The following XIRP2 variants were observed in gnomAD, a reference collection of about 807,000 sequenced individuals.
XIRP2 encodes xin actin-binding repeat-containing protein 2.
XIRP2 carries 236 observed loss-of-function variants against 277.0 expected under a neutral mutation model. That is an observed-to-expected ratio of 0.85 (90% CI 0.77 to 0.95). XIRP2 has a LOEUF of 0.95. XIRP2 is among the 40% of genes least tolerant of loss of function. XIRP2 has a pLI of 0.00. For synonymous variants in XIRP2, 1,490 were observed against 1,416.5 expected (o/e 1.05, Z -1.17); for missense variants, 4,640 against 4,157.5 (o/e 1.12, Z -3.19).
At position 167,100,457 on chromosome 2, in the gene XIRP2, A is replaced by G. The variant is rs1001783944; in HGVS notation, c.409-35452A>G. Among the ~76,000 whole-genome samples the G allele has an allele frequency of 5.9e-5, 9 of 152,216 alleles. No individual in the cohort carries two copies. In the East Asian group the frequency reaches 1.7e-3, roughly 29 times the overall value. ...CTAGCCTGTCTAGGATTATTATCCT[A>G]AAGAGATATTCTCCTATCTAGCACC... On this transcript the variant is annotated intron_variant, in intron 2 of 10. Transcript: ENST00000409195.
chr2:167,240,693 AG>A lies in XIRP2; in HGVS notation c.1000del (p.Val334Ter), dbSNP rs1695039310. ...CTCATCTTGAAAAGCACACCGAGGAAGTAAACCAAGCATCTCAGTTTCATCA... is the reference window on the plus strand; with the variant it reads ...CTCATCTTGAAAAGCACACCGAGGAATAAACCAAGCATCTCAGTTTCATCA... ...VSHLEKHTEE[V>X]NQASQFHQYV... On this transcript the variant is annotated frameshift_variant, in exon 7 of 11. Coordinates refer to ENST00000409195, the MANE Select transcript of XIRP2 (RefSeq NM_152381.6). LOFTEE classifies it high-confidence loss of function. 1 of 1,613,958 alleles carries A rather than the reference AG, an allele frequency of 6.2e-7. No individual in the cohort carries two copies. Among genetic ancestry groups the A allele is most frequent in the East Asian group, 2.2e-5 (1 of 44,806 alleles).
chr2:166,902,103 G>A (rs12473079), intron 1 of XIRP2, among the ~76,000 whole-genome samples: 37,654 of 151,948 alleles, frequency 0.25, 4,825 homozygotes, highest in Admixed American at 0.3. Context: ...AAGGTCACAC[G>A]GTTAGTAAAA....
At chr2:167,032,330 T>TA (rs1309782015) in intron 2 of XIRP2, among the ~76,000 whole-genome samples, 6 of 152,078 alleles carry the variant, frequency 3.9e-5, no homozygotes, top group African/African-American at 1.4e-4. Flanking sequence ...ACATAAGACC[T>TA]AAAACCATAA....
At chr2:167,229,328 A>G (rs1459368891) in intron 5 of XIRP2, among the ~76,000 whole-genome samples, 1 of 152,162 alleles carries the variant, frequency 6.6e-6, no homozygotes, top group Admixed American at 6.6e-5. Flanking sequence ...AAGTGTTTAG[A>G]CAATATATTC....
At chr2:167,196,267 G>A (rs1047441819) in intron 3 of XIRP2, among the ~76,000 whole-genome samples, 11 of 152,228 alleles carry the variant, frequency 7.2e-5, no homozygotes, top group Middle Eastern at 3.4e-3. Flanking sequence ...GGCAACATAC[G>A]ATTAGAGATT....
At chr2:166,962,164 C>T (rs539534017) in intron 2 of XIRP2, among the ~76,000 whole-genome samples, 2 of 151,796 alleles carry the variant, frequency 1.3e-5, no homozygotes, top group South Asian at 4.1e-4. Flanking sequence ...AATCTTGTAA[C>T]AGCTTAAAAA....
At chr2:166,942,071 C>A (rs1444347751) in intron 2 of XIRP2, among the ~76,000 whole-genome samples, 1 of 152,180 alleles carries the variant, frequency 6.6e-6, no homozygotes, top group Non-Finnish European at 1.5e-5. Flanking sequence ...GTAGTAAGCA[C>A]TACCATCCTC....
chr2:167,214,547 G>A (rs574878496), intron 4 of XIRP2, among the ~76,000 whole-genome samples: 1 of 151,844 alleles, frequency 6.6e-6, no homozygotes, highest in South Asian at 2.1e-4. Context: ...CTAAAGCGCA[G>A]GAAAGTAATG....
In XIRP2 at chr2:166,901,890, G is replaced by A. The variant is rs149411374; in HGVS notation, c.-18-1575G>A. ...TTGTGTCTTAAAATACCCACCTTTC[G>A]TCTTCCAAGCACTCGCATCTAGGAG... is the stretch of plus-strand genomic sequence containing the variant. On this transcript the variant is annotated intron_variant, in intron 1 of 10. Transcript: ENST00000409195. Among the ~76,000 whole-genome samples, 58 of 152,004 alleles carry A rather than the reference G, an allele frequency of 3.8e-4. 1 individual carries two copies. In the East Asian group the frequency reaches 0.011, roughly 28 times the overall value.
chr2:166,916,660 TAGA>T (rs1417349048), intron 2 of XIRP2, among the ~76,000 whole-genome samples: 3 of 152,206 alleles, frequency 2.0e-5, no homozygotes, highest in Non-Finnish European at 1.5e-5. Context: ...TAGTTTTTTA[TAGA>T]GCTGAAATGT....
At chr2:166,914,920 T>C (rs939190355) in intron 2 of XIRP2, among the ~76,000 whole-genome samples, 1 of 152,184 alleles carries the variant, frequency 6.6e-6, no homozygotes, top group African/African-American at 2.4e-5. Flanking sequence ...TTTTAATTCA[T>C]CTGTCTTGAT....
chr2:167,172,169 T>C (rs1024376847), intron 3 of XIRP2, among the ~76,000 whole-genome samples: 6 of 152,162 alleles, frequency 3.9e-5, no homozygotes, highest in Admixed American at 3.9e-4. Flanking sequence ...AGACATCACA[T>C]GTCGGCAGGT....
At chr2:167,116,881 AT>A (rs1314372912) in intron 2 of XIRP2, among the ~76,000 whole-genome samples, 1 of 152,236 alleles carries the variant, frequency 6.6e-6, no homozygotes, top group African/African-American at 2.4e-5. Context: ...TACCATAGCT[AT>A]AAGTAAGCAT....
intron 2 of XIRP2, among the ~76,000 whole-genome samples, chr2:166,915,299 CAAAAAAAAAA>C (rs993808427): frequency 2.5e-5 from 1 of 40,132 alleles, no homozygotes; most frequent in Admixed American, 2.6e-4. Context: ...GACTCCGTCT[CAAAAAAAAAA>C]AAAAAAAAAA....
chr2:167,053,059 T>G (rs1427287976), intron 2 of XIRP2, among the ~76,000 whole-genome samples: 1 of 152,216 alleles, frequency 6.6e-6, no homozygotes, highest in African/African-American at 2.4e-5. Context: ...AGGCTGCTCA[T>G]GATGTTTCTA....
At chr2:167,257,705 A>G (rs902041411) in intron 10 of XIRP2, 152 bp from the exon 11 acceptor site, 7 of 700,086 alleles carry the variant, frequency 1.0e-5, no homozygotes, top group Non-Finnish European at 1.6e-5. Flanking sequence ...TGGTGGTAAT[A>G]TTATCTAACA....
At chr2:166,909,211 A>T (rs750243750) in intron 2 of XIRP2, among the ~76,000 whole-genome samples, 1 of 152,162 alleles carries the variant, frequency 6.6e-6, no homozygotes, top group Non-Finnish European at 1.5e-5. Flanking sequence ...CTTGGGCAGT[A>T]TGGGATTTTC....
In XIRP2 at chr2:167,237,615, A is replaced by T. The variant is rs1229650953; in HGVS notation, c.859-2240A>T. ...TTTTTTATTTTTGTAGATGTTACCT[A>T]ATTCGAAACTTTAAAATCACTGTGT... On this transcript the variant is annotated intron_variant, in intron 5 of 10. Coordinates refer to ENST00000409195, the MANE Select transcript of XIRP2 (RefSeq NM_152381.6). Among the ~76,000 whole-genome samples the T allele has an allele frequency of 1.1e-4, 16 of 152,162 alleles. 1 individual carries two copies. The highest frequency in any genetic ancestry group is 4.4e-5 in the Non-Finnish European group (3 of 68,040).
intron 2 of XIRP2, among the ~76,000 whole-genome samples, chr2:167,093,253 A>C (rs1690200327): frequency 1.3e-5 from 2 of 151,296 alleles, no homozygotes; most frequent in Admixed American, 1.3e-4. Flanking sequence ...TGATTAGTAT[A>C]ATTATCAAGT....
Sources: gnomAD v4.1 joint callset for allele counts (sites outside exome capture counted in the v4.1 genomes callset) on GRCh38, gnomAD v4.1.1 for gene constraint, MANE v1.5 for transcripts, NCBI Gene and HGNC (gene_info 2026-07-23, HGNC 2026-07-21) for gene names.